The following SGCZ variants were observed in gnomAD, a reference collection of about 807,000 sequenced individuals.
The protein encoded by SGCZ is zeta-sarcoglycan.
In SGCZ, 40 loss-of-function variants were observed where a neutral mutation model predicts 41.3. The ratio of observed to expected loss-of-function variants is 0.97; its 90% confidence interval spans 0.75 to 1.26. The LOEUF is 1.26. Among genes scored for constraint, SGCZ ranks in the 50% most tolerant of loss-of-function variants. The pLI, the probability that SGCZ is intolerant of heterozygous loss-of-function variation, is 0.00. For synonymous variants in SGCZ, 206 were observed against 137.5 expected, an observed-to-expected ratio of 1.50 and a Z score of -3.49; for missense variants, 552 against 369.8, an observed-to-expected ratio of 1.49 and a Z score of -4.04.
rs76442897 is a variant in SGCZ at position 15,146,621 on chromosome 8, A to G, written c.39+90964T>C. 6.3e-3 allele frequency among the ~76,000 whole-genome samples: 966 copies of G among 152,330 alleles called. 13 individuals are homozygous for G. Among genetic ancestry groups the G allele is most frequent in the African/African-American group, 0.022 (903 of 41,584 alleles). On this transcript the variant is annotated intron_variant, in intron 1 of 7. Transcript: ENST00000382080. The stretch of plus-strand genomic sequence containing the variant: ...CTTTAGTGTTATAATTTTGTTTTCT[A>G]TATGAAGATAATACTAAAAGAAATC...
intron 1 of SGCZ, among the ~76,000 whole-genome samples, chr8:14,597,236 T>C (rs1805441224): frequency 2.6e-5 from 4 of 152,200 alleles, no homozygotes; most frequent in Admixed American, 1.3e-4. Flanking sequence ...TCAACCAATA[T>C]ATTCAGTAAG....
At chr8:14,907,290 C>T (rs905523796) in intron 1 of SGCZ, among the ~76,000 whole-genome samples, 1 of 151,934 alleles carries the variant, frequency 6.6e-6, no homozygotes, top group Admixed American at 6.6e-5. Context: ...GTACTTATGG[C>T]CTCAAGGGAT....
chr8:14,317,692 G>A (rs542867776), intron 3 of SGCZ, among the ~76,000 whole-genome samples: 5 of 151,840 alleles, frequency 3.3e-5, no homozygotes, highest in Admixed American at 2.0e-4. Flanking sequence ...AATGAGAGAA[G>A]AGCCAGGCTC....
At chr8:14,978,861 C>A (rs917834294) in intron 1 of SGCZ, among the ~76,000 whole-genome samples, 2 of 152,114 alleles carry the variant, frequency 1.3e-5, no homozygotes, top group African/African-American at 4.8e-5. Flanking sequence ...TGCAGTGGCA[C>A]GATCTCAGCT....
At chr8:14,928,137 T>C (rs1799814096) in intron 1 of SGCZ, among the ~76,000 whole-genome samples, 1 of 152,182 alleles carries the variant, frequency 6.6e-6, no homozygotes, top group Non-Finnish European at 1.5e-5. Flanking sequence ...ATCAAAGCCA[T>C]GTTGCAGATA....
intron 1 of SGCZ, among the ~76,000 whole-genome samples, chr8:14,576,965 A>G (rs1419653182): frequency 6.6e-6 from 1 of 152,238 alleles, no homozygotes; most frequent in East Asian, 1.9e-4. Flanking sequence ...TTCACCCAAA[A>G]GGCCCTTCAT....
intron 1 of SGCZ, among the ~76,000 whole-genome samples, chr8:15,231,424 T>C (rs1801934930): frequency 6.6e-6 from 1 of 152,072 alleles, no homozygotes; most frequent in African/African-American, 2.4e-5. Flanking sequence ...CAATTTTTAA[T>C]TTTTAGAATG....
chr8:15,119,437 G>A (rs950512726), intron 1 of SGCZ, among the ~76,000 whole-genome samples: 3 of 151,794 alleles, frequency 2.0e-5, no homozygotes, highest in Non-Finnish European at 4.4e-5. Context: ...AGCTGAAGTG[G>A]GAGGATCACT....
At chr8:14,876,855 C>T (rs2130714376) in intron 1 of SGCZ, among the ~76,000 whole-genome samples, 1 of 152,292 alleles carries the variant, frequency 6.6e-6, no homozygotes, top group South Asian at 2.1e-4. Flanking sequence ...CTCAGGCCAC[C>T]TCTCTGTTTA....
At chr8:14,931,302 T>G (rs1799916685) in intron 1 of SGCZ, among the ~76,000 whole-genome samples, 1 of 152,128 alleles carries the variant, frequency 6.6e-6, no homozygotes, top group African/African-American at 2.4e-5. Flanking sequence ...GCAGTCATTT[T>G]ATAACTTTTC....
At chr8:15,119,824 T>G (rs564820896) in intron 1 of SGCZ, among the ~76,000 whole-genome samples, 1 of 152,270 alleles carries the variant, frequency 6.6e-6, no homozygotes, top group Admixed American at 6.5e-5. Context: ...TATATTTTTC[T>G]TTTTTGAGAC....
chr8:14,337,886 A>G (rs1802557865), intron 2 of SGCZ, among the ~76,000 whole-genome samples: 1 of 152,200 alleles, frequency 6.6e-6, no homozygotes, highest in Non-Finnish European at 1.5e-5. Context: ...ATAAATAGCC[A>G]GAAGCCGGAT....
chr8:14,196,169 A>G (rs62492290), intron 4 of SGCZ, among the ~76,000 whole-genome samples: 7,567 of 152,224 alleles, frequency 0.05, 261 homozygotes, highest in East Asian at 0.12. Flanking sequence ...TAGATAAGCT[A>G]TAGATTTATA....
At chr8:14,556,336 TTAA>T (rs1350455698) in intron 1 of SGCZ, among the ~76,000 whole-genome samples, 1 of 151,636 alleles carries the variant, frequency 6.6e-6, no homozygotes, top group Non-Finnish European at 1.5e-5. Flanking sequence ...AAAAATAATA[TTAA>T]TAAGTAATTA....
chr8:14,309,255 T>C, intron 3 of SGCZ: 4 of 1,530,946 alleles, frequency 2.6e-6, no homozygotes, highest in Middle Eastern at 2.4e-4. Flanking sequence ...TACAACCATA[T>C]CCAGTTGTCT....
chr8:14,737,896 C>T (rs75453338), intron 1 of SGCZ, among the ~76,000 whole-genome samples: 1,839 of 152,120 alleles, frequency 0.012, 47 homozygotes, highest in African/African-American at 0.042. Flanking sequence ...AGGTACTGTA[C>T]TGAATAGTTT....
At chr8:14,391,231 G>T (rs2117217675) in intron 2 of SGCZ, among the ~76,000 whole-genome samples, 1 of 152,170 alleles carries the variant, frequency 6.6e-6, no homozygotes, top group African/African-American at 2.4e-5. Context: ...CATCATCAAT[G>T]AAAACATTTA....
intron 1 of SGCZ, among the ~76,000 whole-genome samples, chr8:14,806,422 A>G (rs928061019): frequency 6.6e-6 from 1 of 151,550 alleles, no homozygotes; most frequent in Non-Finnish European, 1.5e-5. Context: ...CCACAGAAAT[A>G]CAAACTACCA....
chr8:14,239,823 AC>A (rs1798799035), intron 3 of SGCZ, among the ~76,000 whole-genome samples: 1 of 134,926 alleles, frequency 7.4e-6, no homozygotes, highest in South Asian at 2.4e-4. Flanking sequence ...AATGGCGTGA[AC>A]CCGGGAGGCG....
Sources: gnomAD v4.1 joint callset for allele counts (sites outside exome capture counted in the v4.1 genomes callset) on GRCh38, gnomAD v4.1.1 for gene constraint, MANE v1.5 for transcripts, NCBI Gene and HGNC (gene_info 2026-07-23, HGNC 2026-07-21) for gene names.